LARP1B: variants seen among roughly 807,000 people sequenced by gnomAD.
LARP1B encodes la-related protein 1B.
In LARP1B, 76 loss-of-function variants were observed where a neutral mutation model predicts 114.2. The observed-to-expected ratio is 0.67, with a 90% confidence interval of 0.55 to 0.81. The LOEUF (loss-of-function observed/expected upper bound fraction) is 0.81, where lower values mean the gene tolerates loss of function less well. Among genes scored for constraint, LARP1B ranks in the 30% least tolerant of loss-of-function variants. The pLI, the probability that LARP1B is intolerant of heterozygous loss-of-function variation, is 0.00. For synonymous variants in LARP1B, 345 were observed against 348.0 expected, an observed-to-expected ratio of 0.99 and a Z score of 0.10; for missense variants, 1,014 against 1,075.8, an observed-to-expected ratio of 0.94 and a Z score of 0.80.
chr4:128,149,985 TACTAAAA>T lies in LARP1B; in HGVS notation c.1525-12207_1525-12201del, dbSNP rs1266081566. ...GGCCTACATGGTGAAACCCTGTCTCTACTAAAAATACAAAAATTAGCCAGGCATGGTG... is the reference window on the plus strand; with the variant it reads ...GGCCTACATGGTGAAACCCTGTCTCTATACAAAAATTAGCCAGGCATGGTG... On this transcript the variant is annotated intron_variant, in intron 11 of 19. Transcript: ENST00000326639. 8.5e-5 allele frequency among the ~76,000 whole-genome samples: 13 copies of T among 152,278 alleles called. No homozygotes were observed. The East Asian group carries it at 1.9e-3, about 23-fold the overall frequency.
intron 7 of LARP1B, among the ~76,000 whole-genome samples, chr4:128,095,830 T>C (rs1382208665): frequency 1.3e-5 from 2 of 152,132 alleles, no homozygotes; most frequent in African/African-American, 4.8e-5. Context: ...GTTTGAAAAC[T>C]TTCTCTGTGA....
At position 128,098,761 on chromosome 4, in the gene LARP1B, ATATATATTTTTTTTTTT is replaced by A. The variant is rs1487748125; in HGVS notation, c.813+433_813+449del. ...TATATGTATGTGTATATATATATAT[ATATATATTTTTTTTTTT>A]TTTTTTTTTTTTTTTTTAAGACAGT... is the stretch of plus-strand genomic sequence containing the variant. On this transcript the variant is annotated intron_variant, in intron 8 of 19. Coordinates refer to ENST00000326639, the MANE Select transcript of LARP1B (RefSeq NM_018078.4). 1.3e-3 allele frequency among the ~76,000 whole-genome samples: 46 copies of A among 35,316 alleles called. 8 individuals are homozygous for A. The highest frequency in any genetic ancestry group is 0.013 in the Admixed American group (35 of 2,696). 23.2% of individuals were successfully genotyped at this position (35,316 alleles called of 152,430 possible). A position where few individuals can be genotyped will look rare whatever the true frequency, so the allele number is the denominator to read the frequency against.
intron 5 of LARP1B, among the ~76,000 whole-genome samples, chr4:128,083,906 G>A (rs201728200): frequency 0.52 from 74,355 of 142,818 alleles, 18,047 homozygotes; most frequent in Middle Eastern, 0.72. Flanking sequence ...CTTCTCAGAC[G>A]GGGCGGCTGC....
At chr4:128,197,859 G>A (rs1240288815) in intron 15 of LARP1B, among the ~76,000 whole-genome samples, 1 of 142,528 alleles carries the variant, frequency 7.0e-6, no homozygotes, top group Admixed American at 7.0e-5. Flanking sequence ...CAAGTGCTTT[G>A]CTTTAAGAAA....
At chr4:128,115,719 C>T (rs762087268) in intron 10 of LARP1B, among the ~76,000 whole-genome samples, 46 of 152,292 alleles carry the variant, frequency 3.0e-4, no homozygotes, top group Admixed American at 7.2e-4. Context: ...CTGTTGCTGC[C>T]ATGTTGGCTC....
At chr4:128,129,621 C>A (rs1378186537) in intron 11 of LARP1B, among the ~76,000 whole-genome samples, 2 of 152,122 alleles carry the variant, frequency 1.3e-5, no homozygotes, top group East Asian at 1.9e-4. Context: ...TACCTGACTT[C>A]AAGATTTACT....
intron 5 of LARP1B, among the ~76,000 whole-genome samples, chr4:128,085,137 A>G (rs940687616): frequency 6.6e-6 from 1 of 152,130 alleles, no homozygotes; most frequent in Admixed American, 6.6e-5. Flanking sequence ...GTGCTGGGTT[A>G]TAGGCTTGAG....
chr4:128,193,816 C>T (rs1281438615), intron 15 of LARP1B, among the ~76,000 whole-genome samples: 1 of 152,154 alleles, frequency 6.6e-6, no homozygotes, highest in Non-Finnish European at 1.5e-5. Flanking sequence ...CAGGGTTTCA[C>T]CATGTTGGTC....
Position 128,199,441 on chromosome 4 carries a change from C to A in LARP1B, c.2006C>A (p.Thr669Asn). Residue 669 changes from threonine to asparagine, a missense_variant and splice_region_variant, in exon 16 of 20, where the codon ACT (threonine) becomes AAT (asparagine). Transcript: ENST00000326639. ...CTTTTTTCCCCTTTCTCAAACAGCA[C>A]TTCAAATGCTTCACCTTCAGAAGGC... ...DRGPGTSSVS[T>N]SNASPSEGAP... The A allele has an allele frequency of 6.6e-7, 1 of 1,511,754 alleles. No homozygotes were observed. Among genetic ancestry groups the A allele is most frequent in the South Asian group, 1.4e-5 (1 of 70,732 alleles). The allele number at this position is 1,511,754 out of a possible 1,614,324, so 93.6% of individuals were successfully genotyped here.
At chr4:128,090,137 A>G (rs552214289) in intron 5 of LARP1B, among the ~76,000 whole-genome samples, 5 of 150,886 alleles carry the variant, frequency 3.3e-5, no homozygotes, top group Non-Finnish European at 1.5e-5. Context: ...CAGTGGTGCA[A>G]TCTTGGCTCA....
intron 7 of LARP1B, among the ~76,000 whole-genome samples, chr4:128,095,931 G>A (rs1041408432): frequency 1.6e-4 from 24 of 149,058 alleles, no homozygotes; most frequent in African/African-American, 4.2e-4. Context: ...ATATTTTCCC[G>A]TTTGTCTTCT....
chr4:128,062,330 C>T (rs1310208745), intron 1 of LARP1B: 32 of 928,334 alleles, frequency 3.4e-5, no homozygotes, highest in Non-Finnish European at 4.1e-5. Context: ...AACGGCAGGC[C>T]TCCCCTCCCT....
At position 128,179,682 on chromosome 4, in the gene LARP1B, G is replaced by A. The variant is rs180787980; in HGVS notation, c.2003+170G>A. Among the ~76,000 whole-genome samples the A allele has an allele frequency of 3.3e-5, 5 of 152,214 alleles. No homozygotes were observed. The East Asian group carries it at 7.7e-4, about 24-fold the overall frequency. On this transcript the variant is annotated intron_variant, in intron 15 of 19. Coordinates refer to ENST00000326639, the MANE Select transcript of LARP1B (RefSeq NM_018078.4). ...GAGATAAGTTTTACAAGTATGTTAA[G>A]GAAATAATCCAGTTGGACAGTTTTT...
At chr4:128,168,855 C>T (rs567026753) in intron 12 of LARP1B, among the ~76,000 whole-genome samples, 3 of 150,998 alleles carry the variant, frequency 2.0e-5, no homozygotes, top group East Asian at 3.9e-4. Context: ...GGTAAGTGTT[C>T]CTTCTTTTGT....
Position 128,200,648 on chromosome 4 carries a change from T to G in LARP1B, c.2292T>G (p.Asp764Glu), listed in dbSNP as rs375901571. Residue 764 changes from aspartate to glutamate, a missense_variant, in exon 17 of 20, where the codon GAT becomes GAG. Asp to Glu is a conservative substitution (Grantham distance 45). Transcript: ENST00000326639. The stretch of plus-strand genomic sequence containing the variant: ...AATTTAGACAACTTGCTTGGGAAGA[T>G]GCAAAAGAAAATTACAGGTCAGATA... ...YEEFRQLAWE[D>E]AKENYRYGLE... 6.3e-7 allele frequency: 1 copy of G among 1,578,640 alleles called. No homozygotes were observed. The highest frequency in any genetic ancestry group is 1.4e-5 in the African/African-American group (1 of 72,828).
At chr4:128,176,513 C>G (rs192180341) in intron 12 of LARP1B, among the ~76,000 whole-genome samples, 1 of 151,778 alleles carries the variant, frequency 6.6e-6, no homozygotes, top group East Asian at 1.9e-4. Context: ...AGGCTGGTCT[C>G]GAGCTGCTGA....
intron 1 of LARP1B, chr4:128,061,968 A>G (rs1398083528): frequency 1.0e-6 from 1 of 985,062 alleles, no homozygotes; most frequent in African/African-American, 1.7e-5. Context: ...CTGGCGCACA[A>G]GGCGCGTGGG....
At chr4:128,168,290 A>T (rs13109815) in intron 12 of LARP1B, among the ~76,000 whole-genome samples, 61,472 of 150,286 alleles carry the variant, frequency 0.41, 13,637 homozygotes, top group African/African-American at 0.59. Flanking sequence ...TTTTTTTTTA[A>T]AAAATTTTGC....
At chr4:128,065,419 A>T (rs1274169637) in intron 1 of LARP1B, among the ~76,000 whole-genome samples, 1 of 138,270 alleles carries the variant, frequency 7.2e-6, no homozygotes. Context: ...TGTGTTTCCC[A>T]GGCTGGTCTT....
Sources: allele counts gnomAD v4.1 joint callset (sites outside exome capture counted in the v4.1 genomes callset), GRCh38; gene constraint gnomAD v4.1.1; transcripts MANE v1.5; gene names NCBI Gene and HGNC (gene_info 2026-07-23, HGNC 2026-07-21).